The following EPN3 variants were observed in gnomAD, a reference collection of about 807,000 sequenced individuals.
The protein encoded by EPN3 is epsin-3.
In EPN3, 56 loss-of-function variants were observed where a neutral mutation model predicts 55.5. The ratio of observed to expected loss-of-function variants is 1.01; its 90% CI spans 0.81 to 1.26. The LOEUF (loss-of-function observed/expected upper bound fraction) is 1.26, where lower values mean the gene tolerates loss of function less well. Ranked by LOEUF, EPN3 falls within the 50% of genes most tolerant of loss-of-function variation. The pLI is 0.00. For missense variants in EPN3, 927 were observed against 853.4 expected, an observed-to-expected ratio of 1.09 and a Z score of -1.07; for synonymous variants, 449 against 375.2, an observed-to-expected ratio of 1.20 and a Z score of -2.27.
Position 50,539,231 on chromosome 17 carries a change from T to C in EPN3, c.807T>C (p.Gly269=), listed in dbSNP as rs746545105. 6.2e-7 allele frequency: 1 copy of C among 1,613,970 alleles called. No individual in the cohort carries two copies. The highest frequency in any genetic ancestry group is 1.1e-5 in the South Asian group (1 of 91,074). Residue 269 remains glycine, a synonymous_variant, in exon 5 of 10, where the codon GGT becomes GGC. Coordinates refer to ENST00000268933, the MANE Select transcript of EPN3 (RefSeq NM_017957.3). ...GTGATGGCTCCCCCATGGCCAATGG[T>C]GCAGGGGCCGTGGTCCACCATCAGC... The part of the protein sequence containing the change: ...WQGDGSPMAN[G]AGAVVHHQRD...
At chr17:50,538,843 T>C (rs1184608597) in intron 3 of EPN3, 41 bp from the exon 4 acceptor site, 1 of 1,479,914 alleles carries the variant, frequency 6.8e-7, no homozygotes, top group Non-Finnish European at 9.1e-7. Flanking sequence ...GGTCCCAAGG[T>C]GGGGGTACAG....
chr17:50,533,381 C>A (rs1315507919), intron 1 of EPN3, among the ~76,000 whole-genome samples: 1 of 152,164 alleles, frequency 6.6e-6, no homozygotes, highest in African/African-American at 2.4e-5. Context: ...GCTTAGAGTT[C>A]AAGCTCACCC....
In EPN3 at chr17:50,536,800, G is replaced by C. The variant is rs560350688; in HGVS notation, c.244G>C (p.Asp82His). ...RHVYKALTLL[D>H]YLLKTGSERV... ...CGTGTACAAGGCTCTAACATTGCTG[G>C]ACTACCTGCTCAAGACGGGCTCCGA... The change falls in exon 2 of 10, where the codon GAC (aspartate) becomes CAC (histidine). Residue 82 changes from aspartate to histidine, a missense_variant. Physicochemically the swap from Asp to His is moderately conservative, Grantham distance 81. Coordinates refer to ENST00000268933, the MANE Select transcript of EPN3 (RefSeq NM_017957.3). 4.0e-5 allele frequency: 65 copies of C among 1,614,160 alleles called. No homozygotes were observed. In the South Asian group the frequency reaches 5.4e-4, roughly 13 times the overall value.
intron 5 of EPN3, 88 bp from the exon 6 acceptor site, chr17:50,540,159 T>G: frequency 1.1e-6 from 1 of 941,024 alleles, no homozygotes; most frequent in South Asian, 1.4e-5. Flanking sequence ...ATAAAGAGAA[T>G]GAACTGGCAT....
Position 50,541,539 on chromosome 17 carries a change from G to GC in EPN3, c.1431dup (p.Ile478HisfsTer34). The GC allele has an allele frequency of 6.2e-7, 1 of 1,614,188 alleles. No individual in the cohort carries two copies. Among genetic ancestry groups the GC allele is most frequent in the Non-Finnish European group, 8.5e-7 (1 of 1,180,038 alleles). ...AAGGAGCCAGATGCCCTGGACCTGG[G>GC]CATACTAGGGGAAGCACTAACCCAG... On this transcript the variant is annotated frameshift_variant, in exon 9 of 10. Transcript: ENST00000268933. LOFTEE classifies it high-confidence loss of function.
Position 50,539,278 on chromosome 17 carries a change from AAGAG to A in EPN3, c.858_861del (p.Lys288ArgfsTer5). ...CAGCGGGACAGAGAGCCTGAGAGAG[AAGAG>A]AGAAAGGAGGAGGAGAAGCTAAAAA... On this transcript the variant is annotated frameshift_variant, in exon 5 of 10. Transcript: ENST00000268933. LOFTEE classifies it high-confidence loss of function. 1 of 1,614,106 alleles carries A rather than the reference AAGAG, an allele frequency of 6.2e-7. No individual in the cohort carries two copies. The highest frequency in any genetic ancestry group is 8.5e-7 in the Non-Finnish European group (1 of 1,180,022).
intron 1 of EPN3, among the ~76,000 whole-genome samples, chr17:50,535,436 G>A (rs2034745605): frequency 6.6e-6 from 1 of 152,216 alleles, no homozygotes; most frequent in Non-Finnish European, 1.5e-5. Flanking sequence ...GCATGCAGGA[G>A]TGTTGGCAGT....
chr17:50,534,632 G>GA (rs1369942367), intron 1 of EPN3: 14 of 985,394 alleles, frequency 1.4e-5, no homozygotes, highest in Non-Finnish European at 1.7e-5. Flanking sequence ...CCGCTGGAAG[G>GA]AAAGAGATAG....
chr17:50,533,547 G>A (rs1219897486), intron 1 of EPN3, among the ~76,000 whole-genome samples: 5 of 152,178 alleles, frequency 3.3e-5, no homozygotes, highest in African/African-American at 9.7e-5. Context: ...ACTCATGCAC[G>A]TGTGACTGGA....
rs753708456 is a variant in EPN3 at position 50,536,460 on chromosome 17, C to A, written c.-97C>A. ...CAAGGATGCAGCTGCTCTGCTAACA[C>A]GGCAGCCCATCCTTCAAGACTGTGA... On this transcript the variant is annotated 5_prime_UTR_variant, in exon 2 of 10. Coordinates refer to ENST00000268933, the MANE Select transcript of EPN3 (RefSeq NM_017957.3). The A allele has an allele frequency of 1.3e-6, 2 of 1,574,116 alleles. No homozygotes were observed. Among genetic ancestry groups the A allele is most frequent in the South Asian group, 1.2e-5 (1 of 86,434 alleles).
intron 6 of EPN3, 69 bp downstream of exon 6, chr17:50,540,403 G>C: frequency 1.4e-6 from 2 of 1,452,404 alleles, no homozygotes. Flanking sequence ...GCCACTTGCT[G>C]GGCCAAGCAC....
intron 6 of EPN3, 83 bp downstream of exon 6, chr17:50,540,417 C>T: frequency 7.7e-7 from 1 of 1,296,332 alleles, no homozygotes; most frequent in African/African-American, 1.5e-5. Flanking sequence ...CAAGCACCTC[C>T]TCCCAAAATC....
In EPN3 at chr17:50,536,610, C is replaced by T. The variant is rs150870660; in HGVS notation, c.54C>T (p.Ser18=). Residue 18 remains serine, a synonymous_variant, in exon 2 of 10, where the codon TCC becomes TCT. Coordinates refer to ENST00000268933, the MANE Select transcript of EPN3 (RefSeq NM_017957.3). Reference sequence around the variant, plus strand: ...TGAAGAACATCGTGCACAACTACTCCGAGGCAGAAATCAAGGTGCGCGAGG... The same window carrying T: ...TGAAGAACATCGTGCACAACTACTCTGAGGCAGAAATCAAGGTGCGCGAGG... ...RQVKNIVHNY[S]EAEIKVREAT... is the part of the protein sequence containing the mutation. The T allele has an allele frequency of 4.2e-5, 68 of 1,613,928 alleles. No homozygotes were observed. Among genetic ancestry groups the T allele is most frequent in the African/African-American group, 3.5e-4 (26 of 74,916 alleles).
In EPN3 at chr17:50,543,290, C is replaced by A. The variant is rs1233068906; in HGVS notation, c.*1133C>A. 1 of 152,306 alleles carries A rather than the reference C, an allele frequency of 6.6e-6. No individual in the cohort carries two copies. Among genetic ancestry groups the A allele is most frequent in the Non-Finnish European group, 1.5e-5 (1 of 68,066 alleles). 9.4% of individuals were successfully genotyped at this position (152,306 alleles called of 1,614,324 possible). A position where few individuals can be genotyped will look rare whatever the true frequency, so the allele number is the denominator to read the frequency against. On this transcript the variant is annotated 3_prime_UTR_variant, in exon 10 of 10. Transcript: ENST00000268933. ...AGCGAGAAACTCAGTCTTAGCCACA[C>A]AGGAGGAATCGGACCCCTTCTGGGG...
chr17:50,541,133 A>G (rs1209961501), intron 7 of EPN3, 71 bp downstream of exon 7: 15 of 1,590,434 alleles, frequency 9.4e-6, no homozygotes, highest in Non-Finnish European at 1.3e-5. Flanking sequence ...GGCAGCAGAT[A>G]CTGTTTGTGT....
In EPN3 at chr17:50,542,178, G is replaced by A. The variant is rs965854386; in HGVS notation, c.*21G>A. The A allele has an allele frequency of 6.8e-6, 10 of 1,461,156 alleles. No individual in the cohort carries two copies. In the East Asian group the frequency reaches 2.4e-4, roughly 35 times the overall value. The allele number at this position is 1,461,156 out of a possible 1,614,324, so 90.5% of individuals were successfully genotyped here. A position where few individuals can be genotyped will look rare whatever the true frequency, so the allele number is the denominator to read the frequency against. On this transcript the variant is annotated 3_prime_UTR_variant, in exon 10 of 10. Coordinates refer to ENST00000268933, the MANE Select transcript of EPN3 (RefSeq NM_017957.3). ...TCTGAGCCCCGCCCCGTCCCATACC[G>A]GCCTGCGCCTGCGCCGGACGCTCCG... is the stretch of plus-strand genomic sequence containing the variant.
Position 50,536,470 on chromosome 17 carries a change from T to C in EPN3, c.-87T>C, listed in dbSNP as rs1241661953. 2.5e-6 allele frequency: 4 copies of C among 1,582,588 alleles called. No homozygotes were observed. The highest frequency in any genetic ancestry group is 3.7e-5 in the Admixed American group (2 of 54,398). ...GCTGCTCTGCTAACACGGCAGCCCA[T>C]CCTTCAAGACTGTGACCTCGCCACA... On this transcript the variant is annotated 5_prime_UTR_variant, in exon 2 of 10. Transcript: ENST00000268933.
At chr17:50,533,594 C>T (rs2034711325) in intron 1 of EPN3, among the ~76,000 whole-genome samples, 1 of 152,176 alleles carries the variant, frequency 6.6e-6, no homozygotes, top group Non-Finnish European at 1.5e-5. Flanking sequence ...GAAACCCTTG[C>T]TGGGGATGAG....
chr17:50,539,164 A>G (rs2034810027), intron 4 of EPN3, 23 bp from the exon 5 acceptor site: 2 of 1,613,228 alleles, frequency 1.2e-6, no homozygotes, highest in Middle Eastern at 1.8e-4. Flanking sequence ...TCATGCTCCT[A>G]ACTCTTTCTG....
Sources: allele counts gnomAD v4.1 joint callset (sites outside exome capture counted in the v4.1 genomes callset), GRCh38; gene constraint gnomAD v4.1.1; transcripts MANE v1.5; gene names NCBI Gene and HGNC (gene_info 2026-07-23, HGNC 2026-07-21).